The following HDAC9 variants were observed in gnomAD, a reference collection of about 807,000 sequenced individuals.
The protein encoded by HDAC9 is histone deacetylase 9.
In HDAC9, 41 loss-of-function variants were observed where a neutral mutation model predicts 139.4. The observed-to-expected ratio is 0.29, with a 90% CI of 0.23 to 0.38. HDAC9 has a LOEUF of 0.38. HDAC9 is among the 10% of genes least tolerant of loss of function. HDAC9 has a pLI of 1.00. For missense variants in HDAC9, 1,147 were observed against 1,297.0 expected (o/e 0.88, Z 1.78); for synonymous variants, 517 against 476.2 (o/e 1.09, Z -1.12).
At chr7:18,109,636 T>C (rs149435554) in intron 1 of HDAC9, among the ~76,000 whole-genome samples, 1 of 152,144 alleles carries the variant, frequency 6.6e-6, no homozygotes, top group African/African-American at 2.4e-5. Context: ...TGCTGTGTAT[T>C]AAATTTCTTT....
intron 1 of HDAC9, among the ~76,000 whole-genome samples, chr7:18,141,969 A>G (rs1785930569): frequency 6.6e-6 from 1 of 152,200 alleles, no homozygotes; most frequent in African/African-American, 2.4e-5. Flanking sequence ...AGTTCATTGA[A>G]TCATAATTTC....
intron 21 of HDAC9, among the ~76,000 whole-genome samples, chr7:18,840,821 A>G (rs1796537389): frequency 6.6e-6 from 1 of 152,118 alleles, no homozygotes; most frequent in South Asian, 2.1e-4. Context: ...TATCCTGTCT[A>G]TTCTTAGTTC....
intron 1 of HDAC9, among the ~76,000 whole-genome samples, chr7:18,398,791 A>G (rs1787282323): frequency 6.6e-6 from 1 of 152,164 alleles, no homozygotes; most frequent in African/African-American, 2.4e-5. Flanking sequence ...TTTTATGACA[A>G]AGTAATAAAC....
chr7:18,311,498 A>C (rs1214190599), intron 1 of HDAC9, among the ~76,000 whole-genome samples: 1 of 152,176 alleles, frequency 6.6e-6, no homozygotes, highest in Non-Finnish European at 1.5e-5. Flanking sequence ...CAGAATAAAA[A>C]ATTGTGCTAT....
chr7:18,806,398 G>T (rs1793713977), intron 17 of HDAC9, among the ~76,000 whole-genome samples: 1 of 152,128 alleles, frequency 6.6e-6, no homozygotes, highest in African/African-American at 2.4e-5. Context: ...CGTGAGACTT[G>T]GGTCTCCATT....
chr7:18,593,013 A>T (rs989486037), intron 5 of HDAC9, among the ~76,000 whole-genome samples: 1 of 152,124 alleles, frequency 6.6e-6, no homozygotes, highest in Non-Finnish European at 1.5e-5. Context: ...AGCAGTATTT[A>T]CCTTGTTTTT....
At chr7:18,655,805 A>G (rs1790943886) in intron 11 of HDAC9, among the ~76,000 whole-genome samples, 1 of 152,138 alleles carries the variant, frequency 6.6e-6, no homozygotes, top group Admixed American at 6.6e-5. Context: ...CAATAGTTGG[A>G]CATGACTATG....
chr7:18,550,785 G>A (rs576774071), intron 2 of HDAC9, among the ~76,000 whole-genome samples: 2 of 152,314 alleles, frequency 1.3e-5, no homozygotes, highest in African/African-American at 4.8e-5. Flanking sequence ...GTAGAGTGGT[G>A]AGAGGAGAGT....
intron 12 of HDAC9, among the ~76,000 whole-genome samples, chr7:18,682,861 A>T (rs1027431074): frequency 6.6e-6 from 1 of 151,820 alleles, no homozygotes; most frequent in Non-Finnish European, 1.5e-5. Context: ...GGCGCCTGTG[A>T]TCCCAGCTAC....
intron 12 of HDAC9, among the ~76,000 whole-genome samples, chr7:18,726,220 T>G (rs922046528): frequency 2.6e-5 from 4 of 152,232 alleles, no homozygotes; most frequent in African/African-American, 9.6e-5. Context: ...AGTTGTGTTG[T>G]ATACAGATTT....
At chr7:18,852,115 A>G (rs1231366990) in intron 21 of HDAC9, among the ~76,000 whole-genome samples, 1 of 152,182 alleles carries the variant, frequency 6.6e-6, no homozygotes, top group Non-Finnish European at 1.5e-5. Flanking sequence ...GCTTTGAGGT[A>G]TCTTTCATGT....
At chr7:18,204,782 A>T (rs1433727217) in intron 2 of HDAC9, among the ~76,000 whole-genome samples, 1 of 152,008 alleles carries the variant, frequency 6.6e-6, no homozygotes, top group Non-Finnish European at 1.5e-5. Context: ...TGTATGTAAC[A>T]TACAAATCAA....
chr7:18,277,082 T>TAA lies in HDAC9; in HGVS notation c.25+114739_25+114740dup, dbSNP rs35515140. ...CAGTAATCATAGATAGTTACATTGT[T>TAA]AAAAAAACAAAACAAAACAAAAAAC... is the stretch of plus-strand genomic sequence containing the variant. On this transcript the variant is annotated intron_variant, in intron 2 of 12. Coordinates refer to the HDAC9 transcript ENST00000417496. 4.6e-4 allele frequency among the ~76,000 whole-genome samples: 70 copies of TAA among 151,802 alleles called. 1 individual carries two copies. The highest frequency in any genetic ancestry group is 1.9e-3 in the South Asian group (9 of 4,790).
At chr7:18,428,637 A>G (rs1790344033) in intron 1 of HDAC9, among the ~76,000 whole-genome samples, 1 of 152,202 alleles carries the variant, frequency 6.6e-6, no homozygotes, top group South Asian at 2.1e-4. Flanking sequence ...AACTGTTGAC[A>G]AGGATGTGGA....
chr7:18,775,614 GTACTGTCCAA>G (rs1790696951), intron 16 of HDAC9, among the ~76,000 whole-genome samples: 13 of 151,604 alleles, frequency 8.6e-5, no homozygotes, highest in African/African-American at 2.7e-4. Context: ...AAATAAGCAT[GTACTGTCCAA>G]TACCATCCTA....
chr7:18,396,713 C>T (rs535793951), intron 1 of HDAC9, among the ~76,000 whole-genome samples: 3 of 152,116 alleles, frequency 2.0e-5, no homozygotes, highest in South Asian at 4.1e-4. Flanking sequence ...TTCTAATCAG[C>T]GGTGATAATT....
intron 2 of HDAC9, among the ~76,000 whole-genome samples, chr7:18,534,891 G>A (rs1178743623): frequency 1.3e-5 from 2 of 152,142 alleles, no homozygotes; most frequent in Non-Finnish European, 2.9e-5. Flanking sequence ...AAATGTCTTG[G>A]CTGTGAGGGT....
At chr7:18,820,376 G>C (rs1037060767) in intron 17 of HDAC9, among the ~76,000 whole-genome samples, 1 of 152,224 alleles carries the variant, frequency 6.6e-6, no homozygotes, top group African/African-American at 2.4e-5. Context: ...TTCCCTGTTA[G>C]GAGACTCAGA....
rs1159175043 is a variant in HDAC9 at position 18,369,803 on chromosome 7, G to A, written c.-42+79288G>A. On this transcript the variant is annotated intron_variant, in intron 1 of 3. Coordinates refer to the HDAC9 transcript ENST00000413509. Reference sequence around the variant, plus strand: ...GATTGAGGAGGTGTGCGCTCACTGTGTCTGTCCCTGCCATCATCTCCAAAT... The same window carrying A: ...GATTGAGGAGGTGTGCGCTCACTGTATCTGTCCCTGCCATCATCTCCAAAT... Among the ~76,000 whole-genome samples, 6 of 152,178 alleles carry A rather than the reference G, an allele frequency of 3.9e-5. No individual in the cohort carries two copies. The Middle Eastern group carries it at 0.01, about 259-fold the overall frequency.
Sources: allele counts gnomAD v4.1 joint callset (sites outside exome capture counted in the v4.1 genomes callset), GRCh38; gene constraint gnomAD v4.1.1; transcripts MANE v1.5; gene names NCBI Gene and HGNC (gene_info 2026-07-23, HGNC 2026-07-21).